GALM: variants seen among roughly 807,000 people sequenced by gnomAD.
The protein encoded by GALM is aldose 1-epimerase.
Under a neutral mutation model 37.4 loss-of-function variants are expected in GALM, and 43 were observed. The observed-to-expected ratio is 1.15, with a 90% CI of 0.90 to 1.48. GALM has a LOEUF of 1.48. GALM is among the 40% of genes most tolerant of loss of function. The probability of loss-of-function intolerance (pLI) is 0.00; values close to 1 mark genes in which losing one functional copy is unlikely to be tolerated. For missense variants in GALM, 456 were observed against 419.1 expected (o/e 1.09, Z -0.77); for synonymous variants, 199 against 170.6 (o/e 1.17, Z -1.30).
At chr2:38,724,821 A>G (rs554201863) in intron 4 of GALM, among the ~76,000 whole-genome samples, 1 of 152,184 alleles carries the variant, frequency 6.6e-6, no homozygotes, top group Admixed American at 6.5e-5. Flanking sequence ...CAAGCATACC[A>G]TTTATCAAAT....
At chr2:38,667,965 G>T (rs969547817) in intron 1 of GALM, among the ~76,000 whole-genome samples, 6 of 152,228 alleles carry the variant, frequency 3.9e-5, no homozygotes, top group African/African-American at 1.4e-4. Flanking sequence ...TGCATGGGGA[G>T]GCCAAGAAAA....
rs559237056 is a variant in GALM at position 38,683,346 on chromosome 2, C to T, written c.552+1860C>T. Among the ~76,000 whole-genome samples the T allele has an allele frequency of 1.1e-4, 16 of 152,208 alleles. No homozygotes were observed. In the East Asian group the frequency reaches 3.1e-3, roughly 29 times the overall value. On this transcript the variant is annotated intron_variant, in intron 3 of 6. Coordinates refer to ENST00000272252, the MANE Select transcript of GALM (RefSeq NM_138801.3). ...AAAGCGCGGTCAATGAACTTCCTTC[C>T]GTATACCACAGATTGAATATCCCTT...
chr2:38,681,582 G>A (rs755884715), intron 3 of GALM, 96 bp downstream of exon 3: 15 of 1,021,828 alleles, frequency 1.5e-5, no homozygotes, highest in Non-Finnish European at 2.3e-5. Context: ...TGCTGTGGCA[G>A]TGAGGTCACC....
chr2:38,717,226 GGCA>G, intron 4 of GALM, among the ~76,000 whole-genome samples: 1 of 151,546 alleles, frequency 6.6e-6, no homozygotes, highest in Non-Finnish European at 1.5e-5. Context: ...CCCCAGCCTG[GGCA>G]ACAAGAGCGA....
At chr2:38,719,681 G>T (rs542916897) in intron 4 of GALM, among the ~76,000 whole-genome samples, 2 of 147,922 alleles carry the variant, frequency 1.4e-5, no homozygotes, top group African/African-American at 2.5e-5. Context: ...AGCTGAGGCA[G>T]GAGAATCGCT....
chr2:38,686,267 T>TCTTTCTTTCTTTC (rs1665527356), intron 3 of GALM, among the ~76,000 whole-genome samples: 39 of 94,338 alleles, frequency 4.1e-4, no homozygotes, highest in African/African-American at 1.8e-3. Context: ...TTTCTTTCTT[T>TCTTTCTTTCTTTC]CTTTCTTTCT....
At chr2:38,676,487 G>A (rs1665263370) in intron 2 of GALM, among the ~76,000 whole-genome samples, 2 of 152,230 alleles carry the variant, frequency 1.3e-5, no homozygotes. Context: ...ACATGGCCAG[G>A]CACAGTGGCT....
intron 4 of GALM, among the ~76,000 whole-genome samples, chr2:38,705,824 C>T (rs920745185): frequency 1.3e-5 from 2 of 152,084 alleles, no homozygotes; most frequent in South Asian, 2.1e-4. Flanking sequence ...TGGGCCATGC[C>T]GATGAGCTGG....
At chr2:38,720,291 T>C (rs1039774525) in intron 4 of GALM, among the ~76,000 whole-genome samples, 1 of 151,994 alleles carries the variant, frequency 6.6e-6, no homozygotes, top group Admixed American at 6.6e-5. Flanking sequence ...GTTTAATGCC[T>C]GGCACATAGA....
At chr2:38,686,742 A>G (rs4670264) in intron 3 of GALM, among the ~76,000 whole-genome samples, 76,963 of 152,028 alleles carry the variant, frequency 0.51, 20,461 homozygotes, top group East Asian at 0.72. Context: ...TTGTGTGGAA[A>G]TAACAAGGCA....
intron 4 of GALM, among the ~76,000 whole-genome samples, chr2:38,728,755 C>T (rs1666537093): frequency 6.6e-6 from 1 of 152,258 alleles, no homozygotes; most frequent in African/African-American, 2.4e-5. Context: ...AAACAGAGCC[C>T]TTTTCTTTTC....
At chr2:38,667,107 T>A (rs908618334) in intron 1 of GALM, among the ~76,000 whole-genome samples, 1 of 152,188 alleles carries the variant, frequency 6.6e-6, no homozygotes, top group Non-Finnish European at 1.5e-5. Context: ...AAATAAAGAA[T>A]GACAATTGCA....
chr2:38,684,763 C>T (rs1016606624), intron 3 of GALM, among the ~76,000 whole-genome samples: 5 of 152,218 alleles, frequency 3.3e-5, no homozygotes, highest in South Asian at 2.1e-4. Flanking sequence ...GCCAAGATTG[C>T]GCCACTGGAC....
chr2:38,693,350 G>T (rs1248828038), intron 4 of GALM, among the ~76,000 whole-genome samples: 1 of 152,084 alleles, frequency 6.6e-6, no homozygotes, highest in Non-Finnish European at 1.5e-5. Context: ...GGGTGTGATG[G>T]TAGGCGCCTG....
At chr2:38,706,657 T>A (rs939802130) in intron 4 of GALM, among the ~76,000 whole-genome samples, 10 of 150,750 alleles carry the variant, frequency 6.6e-5, no homozygotes, top group Non-Finnish European at 1.5e-5. Context: ...CAGAGGGAGA[T>A]TCTGTTTCAG....
At chr2:38,688,237 T>C (rs13409776) in intron 3 of GALM, among the ~76,000 whole-genome samples, 4,196 of 138,892 alleles carry the variant, frequency 0.03, 182 homozygotes, top group African/African-American at 0.1. Flanking sequence ...GTGTACTGGG[T>C]GCGGTGACTC....
At chr2:38,701,512 A>C (rs1665916781) in intron 4 of GALM, among the ~76,000 whole-genome samples, 1 of 152,118 alleles carries the variant, frequency 6.6e-6, no homozygotes, top group East Asian at 1.9e-4. Flanking sequence ...CCCCCAGCCC[A>C]TCTGTGTTCA....
chr2:38,718,788 T>TA (rs368874864), intron 4 of GALM, among the ~76,000 whole-genome samples: 350 of 151,926 alleles, frequency 2.3e-3, no homozygotes, highest in Non-Finnish European at 4.4e-3. Context: ...CAACGACTCT[T>TA]ACAGCATCAT....
At chr2:38,714,118 C>T (rs1419712241) in intron 4 of GALM, among the ~76,000 whole-genome samples, 3 of 152,000 alleles carry the variant, frequency 2.0e-5, no homozygotes, top group African/African-American at 7.3e-5. Context: ...TCTTTATTGC[C>T]ACTATTTACT....
Sources: gnomAD v4.1 joint callset for allele counts (sites outside exome capture counted in the v4.1 genomes callset) on GRCh38, gnomAD v4.1.1 for gene constraint, MANE v1.5 for transcripts, NCBI Gene and HGNC (gene_info 2026-07-23, HGNC 2026-07-21) for gene names.